The following DNER variants were observed in gnomAD, a reference collection of about 807,000 sequenced individuals.
DNER encodes the protein delta and Notch-like epidermal growth factor-related receptor.
Under a neutral mutation model 78.2 loss-of-function variants are expected in DNER, and 33 were observed. The ratio of observed to expected loss-of-function variants is 0.42; its 90% CI spans 0.32 to 0.56. DNER has a LOEUF of 0.56. DNER is among the 20% of genes least tolerant of loss of function. DNER has a pLI of 0.11. For missense variants in DNER, 918 were observed against 975.3 expected (o/e 0.94, Z 0.78); for synonymous variants, 417 against 384.8 (o/e 1.08, Z -0.98).
rs543147763 is a variant in DNER at position 229,667,012 on chromosome 2, C to T, written c.276+47136G>A. Among the ~76,000 whole-genome samples the T allele has an allele frequency of 4.6e-5, 7 of 152,336 alleles. No homozygotes were observed. In the South Asian group the frequency reaches 8.3e-4, roughly 18 times the overall value. ...GGGCAGGAAAATAAAAGAGTCACCC[C>T]GGCAGAGGGCCACCTGGCATCGCTG... On this transcript the variant is annotated intron_variant, in intron 1 of 12. Transcript: ENST00000341772.
At chr2:229,635,328 G>A (rs374323295) in intron 1 of DNER, among the ~76,000 whole-genome samples, 68 of 135,586 alleles carry the variant, frequency 5.0e-4, no homozygotes, top group Admixed American at 1.6e-4. Flanking sequence ...TTCTGACCAC[G>A]GCCCTTTCTA....
chr2:229,450,407 C>T (rs993211119), intron 7 of DNER, among the ~76,000 whole-genome samples: 3 of 152,122 alleles, frequency 2.0e-5, no homozygotes, highest in Non-Finnish European at 4.4e-5. Context: ...AAATATAGTT[C>T]TCAGTGGAGG....
intron 5 of DNER, among the ~76,000 whole-genome samples, chr2:229,545,315 C>T (rs761609941): frequency 1.3e-5 from 2 of 152,124 alleles, no homozygotes; most frequent in African/African-American, 2.4e-5. Context: ...TGGCTCACAC[C>T]TGTAATCCCA....
intron 1 of DNER, among the ~76,000 whole-genome samples, chr2:229,678,751 A>G (rs1699338147): frequency 6.6e-6 from 1 of 152,246 alleles, no homozygotes; most frequent in South Asian, 2.1e-4. Context: ...AACTCATTTC[A>G]GCACCTATGG....
intron 8 of DNER, among the ~76,000 whole-genome samples, chr2:229,434,908 T>TTATATA (rs10533759): frequency 1.7e-5 from 2 of 118,728 alleles, no homozygotes; most frequent in African/African-American, 2.9e-5. Context: ...TAGAGACAAT[T>TTATATA]TATATATATA....
intron 11 of DNER, among the ~76,000 whole-genome samples, chr2:229,378,731 G>C (rs1010732701): frequency 6.6e-6 from 1 of 152,310 alleles, no homozygotes; most frequent in South Asian, 2.1e-4. Flanking sequence ...GATGCTCAGA[G>C]TTAGAAAGAG....
intron 6 of DNER, among the ~76,000 whole-genome samples, chr2:229,510,090 G>A (rs1361852321): frequency 4.6e-5 from 7 of 152,094 alleles, no homozygotes; most frequent in African/African-American, 1.4e-4. Context: ...AGGTTGAGAG[G>A]GTGGATCCTG....
chr2:229,598,335 A>G (rs1697762195), intron 1 of DNER, among the ~76,000 whole-genome samples: 1 of 152,258 alleles, frequency 6.6e-6, no homozygotes, highest in African/African-American at 2.4e-5. Context: ...ACATTTATCA[A>G]GCACCTATGA....
chr2:229,590,436 CA>C (rs1697581574), intron 2 of DNER, among the ~76,000 whole-genome samples: 1 of 152,008 alleles, frequency 6.6e-6, no homozygotes, highest in Non-Finnish European at 1.5e-5. Flanking sequence ...TTCAAGGTAC[CA>C]AAAATAGAAC....
At chr2:229,420,382 T>C (rs908160427) in intron 8 of DNER, among the ~76,000 whole-genome samples, 2 of 152,246 alleles carry the variant, frequency 1.3e-5, no homozygotes, top group Admixed American at 6.5e-5. Flanking sequence ...GGTCACCTTT[T>C]CATGCTGTTG....
chr2:229,676,732 G>T (rs1699306907), intron 1 of DNER, among the ~76,000 whole-genome samples: 2 of 152,148 alleles, frequency 1.3e-5, no homozygotes, highest in African/African-American at 4.8e-5. Flanking sequence ...ACAGGGCTGG[G>T]TTTTTATTTT....
intron 1 of DNER, among the ~76,000 whole-genome samples, chr2:229,672,409 G>C (rs933331708): frequency 6.6e-6 from 1 of 151,848 alleles, no homozygotes; most frequent in South Asian, 2.1e-4. Flanking sequence ...GAAGGAGGGA[G>C]GGGGGAGAGA....
intron 4 of DNER, among the ~76,000 whole-genome samples, chr2:229,572,638 C>T (rs1246701101): frequency 6.6e-6 from 1 of 152,150 alleles, no homozygotes; most frequent in East Asian, 1.9e-4. Context: ...AAGGCTGAGA[C>T]ATTGGGAAGC....
intron 5 of DNER, among the ~76,000 whole-genome samples, chr2:229,525,244 C>A (rs1419973614): frequency 6.6e-6 from 1 of 152,192 alleles, no homozygotes; most frequent in African/African-American, 2.4e-5. Context: ...TTGCCTCAGT[C>A]TTCACATCAA....
chr2:229,642,543 G>A (rs1315710976), intron 1 of DNER, among the ~76,000 whole-genome samples: 2 of 152,230 alleles, frequency 1.3e-5, no homozygotes, highest in Non-Finnish European at 2.9e-5. Flanking sequence ...CATGACCAGG[G>A]CAGTCTGGCT....
intron 2 of DNER, among the ~76,000 whole-genome samples, chr2:229,589,642 A>G (rs1287424000): frequency 1.3e-5 from 2 of 152,144 alleles, no homozygotes; most frequent in Non-Finnish European, 2.9e-5. Flanking sequence ...TTTTACACTT[A>G]CCAACTGTAA....
intron 1 of DNER, among the ~76,000 whole-genome samples, chr2:229,664,470 C>A (rs1019745257): frequency 2.0e-5 from 3 of 151,974 alleles, no homozygotes; most frequent in Non-Finnish European, 4.4e-5. Flanking sequence ...TAGCAAGTCC[C>A]CATCTCTGTA....
chr2:229,448,813 T>C (rs1694394079), intron 7 of DNER, among the ~76,000 whole-genome samples: 1 of 152,218 alleles, frequency 6.6e-6, no homozygotes, highest in Non-Finnish European at 1.5e-5. Flanking sequence ...TTAAATAATT[T>C]CACTCACATA....
chr2:229,498,786 C>T (rs1695551469), intron 6 of DNER, among the ~76,000 whole-genome samples: 2 of 152,124 alleles, frequency 1.3e-5, no homozygotes, highest in African/African-American at 2.4e-5. Flanking sequence ...GGAAAGATTT[C>T]CTGTGTTCAT....
Sources: allele counts gnomAD v4.1 joint callset (sites outside exome capture counted in the v4.1 genomes callset), GRCh38; gene constraint gnomAD v4.1.1; transcripts MANE v1.5; gene names NCBI Gene and HGNC (gene_info 2026-07-23, HGNC 2026-07-21).